ENKUR: variants seen among roughly 807,000 people sequenced by gnomAD.
ENKUR encodes enkurin, TRPC channel interacting protein.
In ENKUR, 19 loss-of-function variants were observed where a neutral mutation model predicts 27.6. That is an observed-to-expected ratio of 0.69 (90% confidence interval 0.48 to 1.01). The LOEUF is 1.01. ENKUR is among the 50% of genes least tolerant of loss of function. ENKUR has a pLI of 0.00. For missense variants in ENKUR, 312 were observed against 310.5 expected (o/e 1.00, Z -0.04); for synonymous variants, 117 against 96.9 (o/e 1.21, Z -1.22).
intron 3 of ENKUR, 98 bp downstream of exon 3, chr10:24,995,548 A>G: frequency 1.8e-6 from 2 of 1,083,272 alleles, no homozygotes; most frequent in Non-Finnish European, 2.7e-6. Context: ...CAATGTGTCC[A>G]ATGAGAGCAC....
chr10:25,024,170 C>T lies in ENKUR; in HGVS notation c.38-28301G>A, dbSNP rs76713706. Reference sequence around the variant, plus strand: ...GCCAGGTTGGGAGAAATGATTGAAACTGCTTATGGGGAAAACTTTGCCTGC... The same window carrying T: ...GCCAGGTTGGGAGAAATGATTGAAATTGCTTATGGGGAAAACTTTGCCTGC... On this transcript the variant is annotated intron_variant, in intron 2 of 5. Transcript: ENST00000615958. The T allele has an allele frequency of 1.3e-3, 2,134 of 1,614,206 alleles. 31 individuals carry two copies. The African/African-American group carries it at 0.025, about 19-fold the overall frequency.
intron 2 of ENKUR, among the ~76,000 whole-genome samples, chr10:25,048,766 A>T (rs563305490): frequency 6.6e-6 from 1 of 152,186 alleles, no homozygotes; most frequent in African/African-American, 2.4e-5. Context: ...GAGGCAAGGG[A>T]TTCTTCCAAA....
intron 2 of ENKUR, among the ~76,000 whole-genome samples, chr10:25,030,030 A>G (rs1850917223): frequency 6.6e-6 from 1 of 152,300 alleles, no homozygotes; most frequent in Non-Finnish European, 1.5e-5. Context: ...ACAACTGTTC[A>G]TTAGGTAATC....
chr10:25,027,356 TCAAAAAAAAA>T (rs1366600384), intron 2 of ENKUR, among the ~76,000 whole-genome samples: 25 of 45,736 alleles, frequency 5.5e-4, no homozygotes, highest in Admixed American at 2.6e-3. Context: ...GACTCCCGTC[TCAAAAAAAAA>T]AAAAAAAAAA....
At position 25,015,857 on chromosome 10, in the gene ENKUR, T is replaced by A. The variant is rs373863993; in HGVS notation, c.77+3A>T. On this transcript the variant is annotated splice_donor_region_variant and intron_variant, in intron 1 of 5. Transcript: ENST00000331161. ...AAGTGATAGTCTTTGCTTATCCACA[T>A]ACCTAGGAGGCTGGGGAGGCTCCTT... The A allele has an allele frequency of 4.4e-6, 7 of 1,601,920 alleles. No individual in the cohort carries two copies. The highest frequency in any genetic ancestry group is 6.0e-6 in the Non-Finnish European group (7 of 1,174,088).
Position 24,983,483 on chromosome 10 carries a change from C to T in ENKUR, c.*887G>A, listed in dbSNP as rs1033037493. 6.6e-6 allele frequency: 1 copy of T among 152,072 alleles called. No homozygotes were observed. The allele number at this position is 152,072 out of a possible 1,614,324, so 9.4% of individuals were successfully genotyped here. A position where few individuals can be genotyped will look rare whatever the true frequency, so the allele number is the denominator to read the frequency against. ...GGAGTGTACTGTCACAGCTGTTAGC[C>T]TACCCTAAATAGCAACCAACCATTC... is the stretch of plus-strand genomic sequence containing the variant. On this transcript the variant is annotated 3_prime_UTR_variant, in exon 6 of 6. Transcript: ENST00000331161.
Position 24,998,159 on chromosome 10 carries a change from G to A in ENKUR, c.223+1242C>T, listed in dbSNP as rs533603701. Among the ~76,000 whole-genome samples the A allele has an allele frequency of 3.5e-4, 54 of 152,268 alleles. 1 individual carries two copies. Among genetic ancestry groups the A allele is most frequent in the African/African-American group, 1.3e-3 (52 of 41,550 alleles). On this transcript the variant is annotated intron_variant, in intron 2 of 5. Coordinates refer to ENST00000331161, the MANE Select transcript of ENKUR (RefSeq NM_145010.4). ...ACATTAAATACTGCCATAAAGAGAA[G>A]TAGTTTCACTTTTGTTAAAATGTAC...
At chr10:24,988,541 T>C (rs888995189) in intron 4 of ENKUR, among the ~76,000 whole-genome samples, 1 of 147,382 alleles carries the variant, frequency 6.8e-6, no homozygotes, top group African/African-American at 2.5e-5. Context: ...TCTATGTACA[T>C]GTAGAGATAT....
At chr10:25,061,103 C>T (rs1851321072) in intron 2 of ENKUR, 1 of 1,535,968 alleles carries the variant, frequency 6.5e-7, no homozygotes, top group Non-Finnish European at 8.7e-7. Flanking sequence ...ACAAGAATGT[C>T]AGTATTACCT....
chr10:24,987,360 G>A (rs140167047), intron 4 of ENKUR, among the ~76,000 whole-genome samples: 41 of 152,142 alleles, frequency 2.7e-4, no homozygotes, highest in African/African-American at 9.4e-4. Context: ...ATTCTCTTCA[G>A]TGGCCACTGC....
chr10:25,047,270 G>A (rs1310060144), intron 2 of ENKUR, among the ~76,000 whole-genome samples: 1 of 152,092 alleles, frequency 6.6e-6, no homozygotes, highest in Non-Finnish European at 1.5e-5. Context: ...GAGCGTGTGA[G>A]GCCACTGGAA....
At chr10:25,046,793 C>T (rs1302216688) in intron 2 of ENKUR, among the ~76,000 whole-genome samples, 1 of 152,078 alleles carries the variant, frequency 6.6e-6, no homozygotes. Flanking sequence ...TTTTCACCAA[C>T]CTCTGCTGTT....
At chr10:25,049,719 C>T (rs113157305) in intron 2 of ENKUR, among the ~76,000 whole-genome samples, 4,649 of 138,416 alleles carry the variant, frequency 0.034, 164 homozygotes, top group African/African-American at 0.097. Flanking sequence ...ACCTGGGAAG[C>T]GGATGTTGCA....
At chr10:25,022,202 A>G (rs975504126) in intron 2 of ENKUR, among the ~76,000 whole-genome samples, 8 of 152,128 alleles carry the variant, frequency 5.3e-5, no homozygotes, top group Non-Finnish European at 1.2e-4. Flanking sequence ...TTTTTGTTTT[A>G]ATGGTGAGTA....
upstream of ENKUR, among the ~76,000 whole-genome samples, chr10:25,019,582 T>C (rs1275210623): frequency 6.6e-6 from 1 of 152,256 alleles, no homozygotes; most frequent in Non-Finnish European, 1.5e-5. Context: ...TTATGTATTA[T>C]AAGTTATTCA....
chr10:25,023,002 T>A (rs1850755707), intron 2 of ENKUR, among the ~76,000 whole-genome samples: 1 of 152,232 alleles, frequency 6.6e-6, no homozygotes, highest in South Asian at 2.1e-4. Flanking sequence ...ATATGCAATA[T>A]ATAAGAATTT....
At chr10:25,031,332 A>T (rs539840265) in intron 2 of ENKUR, among the ~76,000 whole-genome samples, 37 of 151,870 alleles carry the variant, frequency 2.4e-4, no homozygotes, top group Middle Eastern at 3.4e-3. Context: ...TACTTCCTAC[A>T]TTTTTTTTAT....
intron 1 of ENKUR, among the ~76,000 whole-genome samples, chr10:25,006,473 G>A (rs578081611): frequency 1.2e-4 from 18 of 152,150 alleles, no homozygotes; most frequent in African/African-American, 4.3e-4. Flanking sequence ...AGCATGGGAA[G>A]GATCTTTCTT....
At chr10:24,989,896 T>G (rs1017323362) in intron 4 of ENKUR, among the ~76,000 whole-genome samples, 1 of 152,174 alleles carries the variant, frequency 6.6e-6, no homozygotes, top group Non-Finnish European at 1.5e-5. Flanking sequence ...CCCCCTAATA[T>G]TTTAAATGCT....
Sources: gnomAD v4.1 joint callset for allele counts (sites outside exome capture counted in the v4.1 genomes callset) on GRCh38, gnomAD v4.1.1 for gene constraint, MANE v1.5 for transcripts, NCBI Gene and HGNC (gene_info 2026-07-23, HGNC 2026-07-21) for gene names.